The following OR2L13 variants were observed in gnomAD, a reference collection of about 807,000 sequenced individuals.
OR2L13 encodes the protein olfactory receptor family 2 subfamily L member 13.
A neutral mutation model predicts 15.3 loss-of-function variants in OR2L13; 14 were observed. The observed-to-expected ratio is 0.91, with a 90% CI of 0.60 to 1.43. The LOEUF (loss-of-function observed/expected upper bound fraction) is 1.43. OR2L13 is among the 40% of genes most tolerant of loss of function. The probability of loss-of-function intolerance (pLI) is 0.00; values close to 1 mark genes in which losing one functional copy is unlikely to be tolerated. For synonymous variants in OR2L13, 152 were observed against 142.9 expected, an observed-to-expected ratio of 1.06 and a Z score of -0.45; for missense variants, 367 against 387.9, an observed-to-expected ratio of 0.95 and a Z score of 0.45.
the OR2L13 span, among the ~76,000 whole-genome samples, chr1:248,000,677 C>T: frequency 6.6e-6 from 1 of 151,262 alleles, no homozygotes; most frequent in African/African-American, 2.4e-5. Flanking sequence ...CTGAATTCTT[C>T]CAGTAGGGAA....
At chr1:247,972,592 A>G in the OR2L13 span, among the ~76,000 whole-genome samples, 7 of 151,828 alleles carry the variant, frequency 4.6e-5, no homozygotes, top group African/African-American at 1.2e-4. Context: ...AAATAGACCA[A>G]TAACAAGTTC....
the OR2L13 span, among the ~76,000 whole-genome samples, chr1:247,955,828 T>C: frequency 6.6e-6 from 1 of 152,162 alleles, no homozygotes; most frequent in Non-Finnish European, 1.5e-5. Flanking sequence ...TCATTGTAGA[T>C]TCTGTATATT....
the OR2L13 span, among the ~76,000 whole-genome samples, chr1:248,007,451 C>T: frequency 0.032 from 4,801 of 152,234 alleles, 230 homozygotes; most frequent in African/African-American, 0.11. Context: ...ACTCCTTTCC[C>T]CTTATGGTCA....
chr1:248,078,557 A>G, the OR2L13 span, among the ~76,000 whole-genome samples: 9 of 152,106 alleles, frequency 5.9e-5, no homozygotes, highest in Non-Finnish European at 2.9e-5. Flanking sequence ...AGTTAAATAT[A>G]TATTTATTAT....
the OR2L13 span, among the ~76,000 whole-genome samples, chr1:248,059,189 T>C: frequency 6.6e-6 from 1 of 152,170 alleles, no homozygotes; most frequent in Non-Finnish European, 1.5e-5. Context: ...GTTAGTTGTA[T>C]ACGTGGTTAT....
the OR2L13 span, among the ~76,000 whole-genome samples, chr1:248,079,588 G>A: frequency 1.3e-5 from 2 of 152,000 alleles, no homozygotes; most frequent in Non-Finnish European, 2.9e-5. Flanking sequence ...AATATAATGT[G>A]GTATCTGTTC....
chr1:248,033,727 G>A, the OR2L13 span, among the ~76,000 whole-genome samples: 2 of 151,888 alleles, frequency 1.3e-5, no homozygotes, highest in Non-Finnish European at 2.9e-5. Context: ...TCAGGTGTGA[G>A]CCATGGCACC....
the OR2L13 span, among the ~76,000 whole-genome samples, chr1:248,012,923 G>C: frequency 6.6e-6 from 1 of 151,616 alleles, no homozygotes; most frequent in Non-Finnish European, 1.5e-5. Flanking sequence ...TGAAAAATTT[G>C]AGTACCTTTA....
chr1:247,993,807 G>GAGAGAGAGAGAGAA, the OR2L13 span, among the ~76,000 whole-genome samples: 195 of 128,988 alleles, frequency 1.5e-3, no homozygotes, highest in African/African-American at 2.0e-3. Context: ...GAGAGAGAGA[G>GAGAGAGAGAGAGAA]AGAGAAAGAA....
the OR2L13 span, among the ~76,000 whole-genome samples, chr1:247,958,522 T>G: frequency 3.3e-5 from 5 of 152,138 alleles, no homozygotes; most frequent in African/African-American, 4.8e-5. Context: ...TCTTTGATCT[T>G]TCTAATGTTG....
the OR2L13 span, among the ~76,000 whole-genome samples, chr1:247,953,381 CTA>C: frequency 6.6e-6 from 1 of 152,106 alleles, no homozygotes; most frequent in Non-Finnish European, 1.5e-5. Context: ...ATCTATGTAT[CTA>C]TGTGGATTTC....
At chr1:248,050,204 G>A in the OR2L13 span, among the ~76,000 whole-genome samples, 3 of 151,368 alleles carry the variant, frequency 2.0e-5, no homozygotes, top group East Asian at 1.9e-4. Flanking sequence ...TTTTCTGCTC[G>A]TTCTTTCCTC....
At chr1:247,949,457 G>A in the OR2L13 span, 6 of 1,596,510 alleles carry the variant, frequency 3.8e-6, no homozygotes, top group South Asian at 6.6e-5. Context: ...CAGTGTTTTT[G>A]AGTGCCACCA....
chr1:247,943,499 T>C, the OR2L13 span, among the ~76,000 whole-genome samples: 1 of 152,138 alleles, frequency 6.6e-6, no homozygotes, highest in African/African-American at 2.4e-5. Context: ...ATATACTAAT[T>C]CTATGTTTAA....
At chr1:248,012,995 T>TCA in the OR2L13 span, among the ~76,000 whole-genome samples, 1 of 151,796 alleles carries the variant, frequency 6.6e-6, no homozygotes, top group Non-Finnish European at 1.5e-5. Flanking sequence ...TATACCACAG[T>TCA]CAGTAGTAAG....
the OR2L13 span, among the ~76,000 whole-genome samples, chr1:248,081,650 CT>C: frequency 6.6e-6 from 1 of 152,094 alleles, no homozygotes; most frequent in East Asian, 1.9e-4. Flanking sequence ...AGTTCTGTTC[CT>C]TTCTCACCCT....
chr1:247,991,302 A>C, the OR2L13 span: 1 of 718,748 alleles, frequency 1.4e-6, no homozygotes, highest in Non-Finnish European at 2.2e-6. Flanking sequence ...CAGTATGTCA[A>C]ACGGAAATTA....
the OR2L13 span, among the ~76,000 whole-genome samples, chr1:248,083,140 T>C: frequency 6.6e-6 from 1 of 152,198 alleles, no homozygotes; most frequent in African/African-American, 2.4e-5. Flanking sequence ...TGCAACTATA[T>C]TTTAAAATAT....
At chr1:248,087,731 T>G in the OR2L13 span, among the ~76,000 whole-genome samples, 1 of 152,124 alleles carries the variant, frequency 6.6e-6, no homozygotes, top group African/African-American at 2.4e-5. Flanking sequence ...TTAAAGTATT[T>G]CCTAAGGGTA....
Sources: allele counts gnomAD v4.1 joint callset (sites outside exome capture counted in the v4.1 genomes callset), GRCh38; gene constraint gnomAD v4.1.1; transcripts MANE v1.5; gene names NCBI Gene and HGNC (gene_info 2026-07-23, HGNC 2026-07-21).